SPECC1: variants seen among roughly 807,000 people sequenced by gnomAD.
SPECC1 encodes the protein cytospin-B.
Under a neutral mutation model 104.1 loss-of-function variants are expected in SPECC1, and 62 were observed. The observed-to-expected ratio is 0.60, with a 90% CI of 0.49 to 0.74. SPECC1 has a LOEUF of 0.74. Ranked by LOEUF, SPECC1 falls within the 30% of genes least tolerant of loss-of-function variation. The pLI is 0.00. For synonymous variants in SPECC1, 513 were observed against 501.6 expected (o/e 1.02, Z -0.30); for missense variants, 1,306 against 1,310.5 (o/e 1.00, Z 0.05).
At chr17:20,206,464 C>T (rs1361856575) in intron 4 of SPECC1, among the ~76,000 whole-genome samples, 1 of 152,148 alleles carries the variant, frequency 6.6e-6, no homozygotes, top group Non-Finnish European at 1.5e-5. Context: ...TATAATCATC[C>T]TGTACATGTT....
chr17:20,092,893 A>G (rs1414237089), intron 1 of SPECC1, among the ~76,000 whole-genome samples: 1 of 152,184 alleles, frequency 6.6e-6, no homozygotes, highest in African/African-American at 2.4e-5. Flanking sequence ...CATTTGATCT[A>G]TAGCCTTGGT....
At chr17:20,285,368 T>A (rs1404748733) in intron 12 of SPECC1, among the ~76,000 whole-genome samples, 1 of 152,192 alleles carries the variant, frequency 6.6e-6, no homozygotes, top group East Asian at 1.9e-4. Context: ...TTCATTTTTC[T>A]CAAATGACTT....
Position 20,260,234 on chromosome 17 carries a change from C to T in SPECC1, c.2880C>T (p.Tyr960=), listed in dbSNP as rs767037747. 5.6e-6 allele frequency: 9 copies of T among 1,613,776 alleles called. No homozygotes were observed. The highest frequency in any genetic ancestry group is 3.3e-5 in the South Asian group (3 of 91,056). ...KDPLAALARE[Y]GGSKRNALLK... ...CTCTGGCAGCCTTGGCCCGGGAATACGGTGGTTCCAAGCGCAATGCTCTAC... is the reference window on the plus strand; with the variant it reads ...CTCTGGCAGCCTTGGCCCGGGAATATGGTGGTTCCAAGCGCAATGCTCTAC... Residue 960 remains tyrosine, a synonymous_variant, in exon 12 of 15, where the codon TAC becomes TAT. Transcript: ENST00000395527.
chr17:20,282,391 G>A (rs1022341244), intron 12 of SPECC1, among the ~76,000 whole-genome samples: 11 of 152,200 alleles, frequency 7.2e-5, no homozygotes, highest in Admixed American at 4.6e-4. Flanking sequence ...CTCCATTTTC[G>A]CAGTCTCAAA....
At chr17:20,111,266 C>T (rs1366927918) in intron 3 of SPECC1, among the ~76,000 whole-genome samples, 2 of 152,124 alleles carry the variant, frequency 1.3e-5, no homozygotes, top group Admixed American at 6.5e-5. Flanking sequence ...TGAAATACAT[C>T]GTTACTAATT....
In SPECC1 at chr17:20,232,202, G is replaced by A. The variant is rs1168766402; in HGVS notation, c.2148G>A (p.Glu716=). The A allele has an allele frequency of 6.2e-7, 1 of 1,613,974 alleles. No individual in the cohort carries two copies. Among genetic ancestry groups the A allele is most frequent in the East Asian group, 2.2e-5 (1 of 44,868 alleles). Residue 716 remains glutamate, a splice_region_variant and synonymous_variant, in exon 7 of 15, where the codon GAG becomes GAA. Coordinates refer to ENST00000395527, the MANE Select transcript of SPECC1 (RefSeq NM_001243439.2). The part of the protein sequence containing the change: ...QLKTLTKQMK[E]ETEEWRRFQA... The stretch of plus-strand genomic sequence containing the variant: ...AGGATGGGCTCTGACATTTTCAGGA[G>A]GAGACCGAGGAATGGAGGCGGTTCC...
At chr17:20,309,355 T>G (rs887423480) in intron 14 of SPECC1, among the ~76,000 whole-genome samples, 8 of 152,234 alleles carry the variant, frequency 5.3e-5, no homozygotes, top group Non-Finnish European at 8.8e-5. Context: ...CAAGTAAATA[T>G]AAGTTTCTGG....
Position 20,287,419 on chromosome 17 carries a change from G to A in SPECC1, c.2941-9542G>A, listed in dbSNP as rs1347372703. Among the ~76,000 whole-genome samples, 52 of 79,384 alleles carry A rather than the reference G, an allele frequency of 6.6e-4. No individual in the cohort carries two copies. In the Admixed American group the frequency reaches 8.8e-3, roughly 14 times the overall value. The allele number at this position is 79,384 out of a possible 152,430, so 52.1% of individuals were successfully genotyped here. ...GGCCTGGGCGACAGAGCGAGACTCC[G>A]TCTCAAAAAAAAAAAAAAAAAAAAA... On this transcript the variant is annotated intron_variant, in intron 12 of 14. Coordinates refer to ENST00000395527, the MANE Select transcript of SPECC1 (RefSeq NM_001243439.2).
chr17:20,153,708 A>G (rs1281102799), intron 3 of SPECC1, among the ~76,000 whole-genome samples: 1 of 152,228 alleles, frequency 6.6e-6, no homozygotes, highest in African/African-American at 2.4e-5. Context: ...TTGACATTTT[A>G]CAGAATTAGT....
intron 1 of SPECC1, among the ~76,000 whole-genome samples, chr17:20,063,439 A>G (rs779435958): frequency 9.2e-5 from 14 of 152,328 alleles, no homozygotes; most frequent in African/African-American, 1.2e-4. Context: ...TAGATTTGCC[A>G]GAGGTTCTAT....
intron 12 of SPECC1, among the ~76,000 whole-genome samples, chr17:20,263,266 G>C (rs1310735783): frequency 6.7e-6 from 1 of 148,810 alleles, no homozygotes; most frequent in African/African-American, 2.5e-5. Context: ...CAGCGTGACT[G>C]ATGGGCTGGG....
intron 3 of SPECC1, among the ~76,000 whole-genome samples, chr17:20,198,098 T>C (rs2036156934): frequency 6.6e-6 from 1 of 152,160 alleles, no homozygotes; most frequent in South Asian, 2.1e-4. Context: ...CCAAGCCTCA[T>C]CATAAAGGAA....
chr17:20,221,761 A>G (rs1255329490), intron 4 of SPECC1, among the ~76,000 whole-genome samples: 1 of 151,536 alleles, frequency 6.6e-6, no homozygotes, highest in African/African-American at 2.4e-5. Flanking sequence ...TCTGTTTTTG[A>G]TGTAGGCGCT....
At chr17:20,209,721 C>G (rs1461373685) in intron 4 of SPECC1, among the ~76,000 whole-genome samples, 1 of 152,190 alleles carries the variant, frequency 6.6e-6, no homozygotes, top group Non-Finnish European at 1.5e-5. Context: ...AGCCACCACT[C>G]CTATCCTTGC....
chr17:20,186,676 A>G (rs1597915131), intron 3 of SPECC1, among the ~76,000 whole-genome samples: 1 of 152,012 alleles, frequency 6.6e-6, no homozygotes, highest in African/African-American at 2.4e-5. Context: ...TGATCCTCCC[A>G]CCTCAGCCTC....
At chr17:20,030,836 CTTT>C (rs911740050) in intron 1 of SPECC1, among the ~76,000 whole-genome samples, 2 of 151,664 alleles carry the variant, frequency 1.3e-5, no homozygotes, top group African/African-American at 2.4e-5. Flanking sequence ...CCCCCCAGCC[CTTT>C]TTTTTGTGGT....
chr17:20,255,177 C>A (rs1169889762), intron 10 of SPECC1, among the ~76,000 whole-genome samples: 1 of 152,064 alleles, frequency 6.6e-6, no homozygotes, highest in Non-Finnish European at 1.5e-5. Flanking sequence ...GACTTCCCAG[C>A]AGAAGGAAAT....
intron 3 of SPECC1, among the ~76,000 whole-genome samples, chr17:20,166,298 A>G (rs2033642121): frequency 6.6e-6 from 1 of 152,204 alleles, no homozygotes; most frequent in African/African-American, 2.4e-5. Context: ...TCTTACACAA[A>G]CCATTTTTTC....
intron 12 of SPECC1, among the ~76,000 whole-genome samples, chr17:20,268,261 C>G (rs1164604744): frequency 6.6e-6 from 1 of 152,180 alleles, no homozygotes; most frequent in African/African-American, 2.4e-5. Flanking sequence ...CAGGTTTTAA[C>G]CTGTTAGCTC....
Sources: allele counts gnomAD v4.1 joint callset (sites outside exome capture counted in the v4.1 genomes callset), GRCh38; gene constraint gnomAD v4.1.1; transcripts MANE v1.5; gene names NCBI Gene and HGNC (gene_info 2026-07-23, HGNC 2026-07-21).